ZNF850: variants seen among roughly 807,000 people sequenced by gnomAD.
ZNF850 encodes zinc finger protein 850, also known as putative zinc finger protein ENSP00000330994.
ZNF850 carries 2 observed loss-of-function variants against 11.9 expected under a neutral mutation model. The ratio of observed to expected loss-of-function variants is 0.17; its 90% CI spans 0.07 to 0.53. The LOEUF (loss-of-function observed/expected upper bound fraction) is 0.53. Among genes scored for constraint, ZNF850 ranks in the 20% least tolerant of loss-of-function variants. ZNF850 has a pLI of 0.94. For synonymous variants in ZNF850, 381 were observed against 443.0 expected, an observed-to-expected ratio of 0.86 and a Z score of 1.76; for missense variants, 1,014 against 1,316.4, an observed-to-expected ratio of 0.77 and a Z score of 3.55.
At chr19:36,754,214 G>A in intron 4 of ZNF850, among the ~76,000 whole-genome samples, 1 of 147,922 alleles carries the variant, frequency 6.8e-6, no homozygotes, top group South Asian at 2.1e-4. Context: ...CTAATTATAA[G>A]GAATGTAAAC....
At chr19:36,761,378 G>A (rs1298120482) in intron 4 of ZNF850, among the ~76,000 whole-genome samples, 1 of 151,962 alleles carries the variant, frequency 6.6e-6, no homozygotes, top group Non-Finnish European at 1.5e-5. Context: ...GACGGAGGTT[G>A]CAATGAGCCG....
chr19:36,769,279 AGAAAGAAAGAAAG>A (rs1235435176), intron 1 of ZNF850, among the ~76,000 whole-genome samples: 2 of 80,666 alleles, frequency 2.5e-5, no homozygotes, highest in African/African-American at 9.1e-5. Context: ...AAAAAAAAAA[AGAAAGAAAGAAAG>A]AAAGAAAGAA....
At position 36,747,870 on chromosome 19, in the gene ZNF850, C is replaced by G; in HGVS notation, c.3170G>C (p.Ser1057Thr). 2 of 1,580,404 alleles carry G rather than the reference C, an allele frequency of 1.3e-6. No homozygotes were observed. Among genetic ancestry groups the G allele is most frequent in the Non-Finnish European group, 8.6e-7 (1 of 1,166,812 alleles). Residue 1057 changes from serine (S) to threonine (T), a missense_variant, in exon 5 of 5, where the codon AGT (serine) becomes ACT (threonine). By Grantham distance (58) the Ser-to-Thr change is moderately conservative (BLOSUM62 1). Around this residue, in one of 2 missense-constraint regions of ZNF850, gnomAD observed 179 missense variants for 294.4 expected, o/e 0.61. Coordinates refer to ENST00000591344, the MANE Select transcript of ZNF850 (RefSeq NM_001193552.2). ...FYASGLSRHQSVHTGEKPYEC... is the reference protein window; with the variant it reads ...FYASGLSRHQTVHTGEKPYEC... ...ATAGGGTTTCTCGCCAGTGTGAACA[C>G]TCTGATGTCGGCTGAGTCCTGAGGC... is the stretch of plus-strand genomic sequence containing the variant.
intron 4 of ZNF850, among the ~76,000 whole-genome samples, chr19:36,758,071 C>G (rs773842311): frequency 6.6e-6 from 1 of 152,186 alleles, no homozygotes; most frequent in African/African-American, 2.4e-5. Context: ...CTGTATGGAA[C>G]AGCACAGCTT....
intron 1 of ZNF850, among the ~76,000 whole-genome samples, chr19:36,765,769 A>G (rs2040545692): frequency 6.6e-6 from 1 of 151,842 alleles, no homozygotes; most frequent in Admixed American, 6.6e-5. Context: ...TTTTTAGTAG[A>G]GATGGGGTTT....
At chr19:36,769,277 AAAG>A (rs574652259) in intron 1 of ZNF850, among the ~76,000 whole-genome samples, 3,464 of 57,860 alleles carry the variant, frequency 0.06, 85 homozygotes, top group Non-Finnish European at 0.087. Flanking sequence ...AAAAAAAAAA[AAAG>A]AAAGAAAGAA....
intron 3 of ZNF850, 148 bp from the exon 4 acceptor site, chr19:36,761,886 A>C (rs2040520532): frequency 1.8e-6 from 1 of 548,442 alleles, no homozygotes; most frequent in South Asian, 2.3e-5. Flanking sequence ...TCTCTACTAA[A>C]AATACAAAAA....
chr19:36,750,501 T>C lies in ZNF850; in HGVS notation c.539A>G (p.Tyr180Cys), dbSNP rs994576243. 3 of 1,536,170 alleles carry C rather than the reference T, an allele frequency of 2.0e-6. No individual in the cohort carries two copies. The highest frequency in any genetic ancestry group is 2.6e-6 in the Non-Finnish European group (3 of 1,146,930). The stretch of plus-strand genomic sequence containing the variant: ...TTGCTGTTGTGTAAGTTCTGAGCCA[T>C]ACTTAAAAGCCATACATTCTGTGGA... ...YKSTECMAFK[Y>C]GSELTQQQET... Residue 180 changes from tyrosine (Y) to cysteine (C), a missense_variant, in exon 5 of 5, where the codon TAT becomes TGT. Coordinates refer to ENST00000591344, the MANE Select transcript of ZNF850 (RefSeq NM_001193552.2).
intron 4 of ZNF850, among the ~76,000 whole-genome samples, chr19:36,760,105 C>A (rs1217380160): frequency 6.6e-6 from 1 of 152,182 alleles, no homozygotes; most frequent in Non-Finnish European, 1.5e-5. Context: ...TATTAGAAAT[C>A]TCCTGGTTGA....
At chr19:36,770,703 CAAAAAAAA>C (rs567709722) in intron 1 of ZNF850, among the ~76,000 whole-genome samples, 61 of 66,562 alleles carry the variant, frequency 9.2e-4, no homozygotes, top group African/African-American at 1.7e-3. Flanking sequence ...GAGACTCCAT[CAAAAAAAA>C]AAAAAAAAAA....
rs141717768 is a variant in ZNF850 at position 36,761,248 on chromosome 19, T to A, written c.235+395A>T. ...TGAGGTCAGGAGTTCGAGGCCAGCCTAGCCCACATGGTAAAACCCCGTCTC... is the reference window on the plus strand; with the variant it reads ...TGAGGTCAGGAGTTCGAGGCCAGCCAAGCCCACATGGTAAAACCCCGTCTC... On this transcript the variant is annotated intron_variant, in intron 4 of 4. Transcript: ENST00000591344. 7.3e-3 allele frequency among the ~76,000 whole-genome samples: 1,105 copies of A among 152,080 alleles called. 19 individuals carry two copies. Among genetic ancestry groups the A allele is most frequent in the African/African-American group, 0.026 (1,067 of 41,498 alleles).
intron 1 of ZNF850, among the ~76,000 whole-genome samples, chr19:36,763,049 T>C (rs1189879533): frequency 1.3e-5 from 2 of 151,870 alleles, no homozygotes; most frequent in Admixed American, 6.6e-5. Flanking sequence ...CACCACCATG[T>C]CCAGCTAATT....
At chr19:36,763,622 G>A (rs536106841) in intron 1 of ZNF850, among the ~76,000 whole-genome samples, 61 of 151,780 alleles carry the variant, frequency 4.0e-4, no homozygotes, top group African/African-American at 1.4e-3. Flanking sequence ...AGTATAGATA[G>A]CACTTCGATA....
Position 36,761,700 on chromosome 19 carries a change from C to G in ZNF850, c.178G>C (p.Glu60Gln), listed in dbSNP as rs1051743754. 1.9e-6 allele frequency: 3 copies of G among 1,561,354 alleles called. No homozygotes were observed. The highest frequency in any genetic ancestry group is 2.6e-6 in the Non-Finnish European group (3 of 1,159,402). The change falls in exon 4 of 5, where the codon GAG (glutamate) becomes CAG (glutamine). Residue 60 changes from glutamate (E) to glutamine (Q), a missense_variant. Physicochemically the swap from Glu to Gln is conservative, Grantham distance 29. Coordinates refer to ENST00000591344, the MANE Select transcript of ZNF850 (RefSeq NM_001193552.2). ...IPKPDVISLLEQGKEPWMVSR... is the reference protein window; with the variant it reads ...IPKPDVISLLQQGKEPWMVSR... ...ACCATCCAGGGCTCTTTCCCTTGCTCCAGTAAGGAAATCACATCAGGCTTT... is the reference window on the plus strand; with the variant it reads ...ACCATCCAGGGCTCTTTCCCTTGCTGCAGTAAGGAAATCACATCAGGCTTT...
intron 1 of ZNF850, among the ~76,000 whole-genome samples, chr19:36,764,085 A>G (rs1235218550): frequency 6.6e-6 from 1 of 150,728 alleles, no homozygotes; most frequent in Non-Finnish European, 1.5e-5. Flanking sequence ...TCTCCACTAA[A>G]AATACAAAAA....
intron 4 of ZNF850, among the ~76,000 whole-genome samples, chr19:36,751,852 C>T (rs1442823711): frequency 6.6e-6 from 1 of 151,894 alleles, no homozygotes; most frequent in Non-Finnish European, 1.5e-5. Flanking sequence ...AACATTCATT[C>T]ATTAATTATG....
chr19:36,751,014 T>A (rs2040450541), intron 4 of ZNF850, among the ~76,000 whole-genome samples: 1 of 144,812 alleles, frequency 6.9e-6, no homozygotes, highest in African/African-American at 2.6e-5. Flanking sequence ...TGCAGTGAGC[T>A]GTGATTGTGC....
chr19:36,753,990 A>T (rs1423193029), intron 4 of ZNF850, among the ~76,000 whole-genome samples: 1 of 151,978 alleles, frequency 6.6e-6, no homozygotes, highest in Non-Finnish European at 1.5e-5. Flanking sequence ...AAGTGAGACA[A>T]ATAGAATAAG....
chr19:36,764,966 G>A (rs762919997), intron 1 of ZNF850, among the ~76,000 whole-genome samples: 1 of 151,968 alleles, frequency 6.6e-6, no homozygotes, highest in African/African-American at 2.4e-5. Flanking sequence ...GATTACAGGC[G>A]TGAGCCACCA....
Sources: gnomAD v4.1 joint callset for allele counts (sites outside exome capture counted in the v4.1 genomes callset) on GRCh38, gnomAD v4.1.1 for gene constraint, gnomAD v4.1.1 regional missense constraint, MANE v1.5 for transcripts, NCBI Gene and HGNC (gene_info 2026-07-23, HGNC 2026-07-21) for gene names.